PITX3: variants seen among roughly 807,000 people sequenced by gnomAD.
PITX3 encodes paired like homeodomain 3.
Under a neutral mutation model 14.2 loss-of-function variants are expected in PITX3, and 4 were observed. That is an observed-to-expected ratio of 0.28 (90% CI 0.14 to 0.65). The LOEUF (loss-of-function observed/expected upper bound fraction) is 0.65, where lower values mean the gene tolerates loss of function less well. Ranked by LOEUF, PITX3 falls within the 30% of genes least tolerant of loss-of-function variation. The pLI is 0.82. For missense variants in PITX3, 358 were observed against 426.8 expected (o/e 0.84, Z 1.42); for synonymous variants, 194 against 204.5 (o/e 0.95, Z 0.44).
rs887328021 is a variant in PITX3, at chr10:102,241,102, C to A, written c.-13+231G>T. The stretch of plus-strand genomic sequence containing the variant: ...AGCCCCTATCCTGGTTTCAAGTCTC[C>A]GGCTTCGTTCCGGATCCTCTGAGTC... On this transcript the variant is annotated intron_variant, in intron 1 of 3. Coordinates refer to ENST00000370002, the MANE Select transcript of PITX3 (RefSeq NM_005029.4). The surrounding 1 kb of genome is among the most constrained non-coding windows in gnomAD (Gnocchi z 6.7). 6.6e-6 allele frequency among the ~76,000 whole-genome samples: 1 copy of A among 152,178 alleles called. No homozygotes were observed. Among genetic ancestry groups the A allele is most frequent in the South Asian group, 2.1e-4 (1 of 4,832 alleles).
In PITX3 at chr10:102,231,966, T is replaced by C. The variant is rs1222408726; in HGVS notation, c.115A>G (p.Ser39Gly). ...CCCCGGAAGGGGGCGCGCTTACCGC[T>C]GTGCTCCTGGCCCTTGCAGCCGTGC... ...PEHGCKGQEH[S>G]DSEKASASLP... Residue 39 changes from serine (S) to glycine (G), a missense_variant, in exon 2 of 4, where the codon AGC (serine) becomes GGC (glycine). Physicochemically the swap from Ser to Gly is moderately conservative, Grantham distance 56. This residue lies in a region of PITX3 where 72 missense variants were observed against 79.9 expected (regional missense o/e 0.90). Coordinates refer to ENST00000370002, the MANE Select transcript of PITX3 (RefSeq NM_005029.4). 1 of 1,608,528 alleles carries C rather than the reference T, an allele frequency of 6.2e-7. No homozygotes were observed. The highest frequency in any genetic ancestry group is 8.5e-7 in the Non-Finnish European group (1 of 1,177,700).
chr10:102,237,751 ATATTT>A (rs2133812059), intron 1 of PITX3, among the ~76,000 whole-genome samples: 2 of 152,232 alleles, frequency 1.3e-5, no homozygotes, highest in Non-Finnish European at 2.9e-5. Flanking sequence ...GGATTATAAA[ATATTT>A]TAATATAAAA....
At chr10:102,235,166 T>TCCCCCCCCCC (rs1388718222) in intron 1 of PITX3, among the ~76,000 whole-genome samples, 12 of 59,028 alleles carry the variant, frequency 2.0e-4, no homozygotes, top group African/African-American at 7.1e-4. Context: ...TTATTACCCT[T>TCCCCCCCCCC]CCCCCACCCC....
intron 3 of PITX3, 43 bp from the exon 4 acceptor site, chr10:102,231,144 C>A (rs1198092432): frequency 2.0e-6 from 3 of 1,471,878 alleles, no homozygotes; most frequent in Admixed American, 2.4e-5. Flanking sequence ...GGGGCCGGGT[C>A]CCAGCGGCTG....
rs778341116 is a variant in PITX3 at position 102,231,967 on chromosome 10, G to T, written c.114C>A (p.His38Gln). 8.1e-6 allele frequency: 13 copies of T among 1,608,358 alleles called. 1 individual carries two copies. The South Asian group carries it at 1.2e-4, about 15-fold the overall frequency. The change falls in exon 2 of 4, where the codon CAC becomes CAA. Residue 38 changes from histidine (H) to glutamine (Q), a missense_variant. His to Gln is a conservative substitution (Grantham distance 24). This residue lies in a region of PITX3 where 72 missense variants were observed against 79.9 expected (regional missense o/e 0.90). Coordinates refer to ENST00000370002, the MANE Select transcript of PITX3 (RefSeq NM_005029.4). ...LPEHGCKGQE[H>Q]SDSEKASASL... ...CCCGGAAGGGGGCGCGCTTACCGCT[G>T]TGCTCCTGGCCCTTGCAGCCGTGCT... is the stretch of plus-strand genomic sequence containing the variant.
intron 1 of PITX3, among the ~76,000 whole-genome samples, chr10:102,233,606 TTTTG>T (rs2070312345): frequency 6.6e-6 from 1 of 152,122 alleles, no homozygotes; most frequent in Non-Finnish European, 1.5e-5. Context: ...GCCCAGCCTG[TTTTG>T]TTTATTATTT....
Position 102,230,917 on chromosome 10 carries a change from G to A in PITX3, c.506C>T (p.Thr169Ile), listed in dbSNP as rs914096264. The A allele has an allele frequency of 8.1e-6, 13 of 1,612,212 alleles. No homozygotes were observed. Among genetic ancestry groups the A allele is most frequent in the Non-Finnish European group, 1.1e-5 (13 of 1,179,472 alleles). The change falls in exon 4 of 4, where the codon ACC (threonine) becomes ATC (isoleucine). Residue 169 changes from threonine (T) to isoleucine (I), a missense_variant. Around this residue, in one of 3 missense-constraint regions of PITX3, gnomAD observed 236 missense variants for 250.2 expected, o/e 0.94. Coordinates refer to ENST00000370002, the MANE Select transcript of PITX3 (RefSeq NM_005029.4). ...KALAPPLAAKTFPFAFNSVNV... is the reference protein window; with the variant it reads ...KALAPPLAAKIFPFAFNSVNV... ...GACCGAGTTGAAGGCGAATGGAAAG[G>A]TCTTGGCGGCGAGCGGCGGGGCAAG... is the stretch of plus-strand genomic sequence containing the variant.
Position 102,230,465 on chromosome 10 carries a change from C to G in PITX3, c.*49G>C. ...TCAAAATGACCCCAGTCCGCGGAGG[C>G]TGTGAATCGTTGCCCCCGCCCTCGG... is the stretch of plus-strand genomic sequence containing the variant. On this transcript the variant is annotated 3_prime_UTR_variant, in exon 4 of 4. Transcript: ENST00000370002. 6.4e-7 allele frequency: 1 copy of G among 1,573,972 alleles called. No homozygotes were observed. The highest frequency in any genetic ancestry group is 8.6e-7 in the Non-Finnish European group (1 of 1,159,820).
intron 1 of PITX3, among the ~76,000 whole-genome samples, chr10:102,235,048 A>G (rs2070347657): frequency 6.6e-6 from 1 of 151,896 alleles, no homozygotes; most frequent in Non-Finnish European, 1.5e-5. Context: ...ACACAAACAC[A>G]CACTCTCCCA....
In PITX3 at chr10:102,230,363, G is replaced by A; in HGVS notation, c.*151C>T. 1 of 1,216,108 alleles carries A rather than the reference G, an allele frequency of 8.2e-7. No individual in the cohort carries two copies. The allele number at this position is 1,216,108 out of a possible 1,614,324, so 75.3% of individuals were successfully genotyped here. A position where few individuals can be genotyped will look rare whatever the true frequency, so the allele number is the denominator to read the frequency against. On this transcript the variant is annotated 3_prime_UTR_variant, in exon 4 of 4. Coordinates refer to ENST00000370002, the MANE Select transcript of PITX3 (RefSeq NM_005029.4). Reference sequence around the variant, plus strand: ...CTAGTCCACCCCTCAGGGCTGGGAGGGGAAGGCCCTCTCCTGAGCCGGTGC... The same window carrying A: ...CTAGTCCACCCCTCAGGGCTGGGAGAGGAAGGCCCTCTCCTGAGCCGGTGC...
At position 102,231,045 on chromosome 10, in the gene PITX3, G is replaced by T. The variant is rs754434263; in HGVS notation, c.378C>A (p.Ala126=). 1.6e-5 allele frequency: 26 copies of T among 1,583,394 alleles called. No homozygotes were observed. The highest frequency in any genetic ancestry group is 2.2e-5 in the Non-Finnish European group (26 of 1,165,862). ...KWRKRERSQQ[A]ELCKGSFAAP... is the part of the protein sequence containing the mutation. ...CCGCGAAGCTGCCTTTGCATAGCTC[G>T]GCCTGCTGGCTGCGCTCGCGCTTCC... The change falls in exon 4 of 4, where the codon GCC becomes GCA. Residue 126 remains alanine (A), a synonymous_variant. Coordinates refer to ENST00000370002, the MANE Select transcript of PITX3 (RefSeq NM_005029.4).
At chr10:102,240,754 G>C (rs779904269) in intron 1 of PITX3, among the ~76,000 whole-genome samples, 2 of 152,244 alleles carry the variant, frequency 1.3e-5, no homozygotes, top group African/African-American at 4.8e-5. Flanking sequence ...CCCGCCGCCT[G>C]GTCACTCTGA....
intron 1 of PITX3, among the ~76,000 whole-genome samples, chr10:102,236,581 AT>A (rs2070401329): frequency 6.6e-6 from 1 of 152,158 alleles, no homozygotes; most frequent in Non-Finnish European, 1.5e-5. Flanking sequence ...CAAGAATGAA[AT>A]ATCCAGGACA....
chr10:102,231,790 T>C lies in PITX3; in HGVS notation c.119A>G (p.Asp40Gly), dbSNP rs973186826. The change falls in exon 3 of 4, where the codon GAC (aspartate) becomes GGC (glycine). Residue 40 changes from aspartate (D) to glycine (G), a missense_variant and splice_region_variant. Coordinates refer to ENST00000370002, the MANE Select transcript of PITX3 (RefSeq NM_005029.4). ...EHGCKGQEHSDSEKASASLPG... is the reference protein window; with the variant it reads ...EHGCKGQEHSGSEKASASLPG... ...CAGCGAAGCCGAGGCCTTTTCTGAG[T>C]CTGGGGGCCAGGGTGGGGGCAGGTC... The C allele has an allele frequency of 6.3e-7, 1 of 1,599,482 alleles. No individual in the cohort carries two copies. The highest frequency in any genetic ancestry group is 1.7e-5 in the Admixed American group (1 of 58,664).
Position 102,231,762 on chromosome 10 carries a change from G to A in PITX3, c.147C>T (p.Pro49=), listed in dbSNP as rs143137940. The change falls in exon 3 of 4, where the codon CCC becomes CCT. Residue 49 remains proline (P), a synonymous_variant. Coordinates refer to ENST00000370002, the MANE Select transcript of PITX3 (RefSeq NM_005029.4). ...GCGAACCGTCCTCTGGGGAGCCGCCGGGCAGCGAAGCCGAGGCCTTTTCTG... is the reference window on the plus strand; with the variant it reads ...GCGAACCGTCCTCTGGGGAGCCGCCAGGCAGCGAAGCCGAGGCCTTTTCTG... ...SDSEKASASL[P]GGSPEDGSLK... 9 of 1,606,338 alleles carry A rather than the reference G, an allele frequency of 5.6e-6. No homozygotes were observed. In the Admixed American group the frequency reaches 6.8e-5, roughly 12 times the overall value.
rs767603616 is a variant in PITX3 at position 102,230,577 on chromosome 10, C to T, written c.846G>A (p.Val282=). ...GGTTGGCTGCCGGGGGCGGCCCGTGCACAGCGGGGTAGCTGAAGGAGGCGT... is the reference window on the plus strand; with the variant it reads ...GGTTGGCTGCCGGGGGCGGCCCGTGTACAGCGGGGTAGCTGAAGGAGGCGT... The part of the protein sequence containing the change: ...KQHASFSYPA[V]HGPPPAANLS... The change falls in exon 4 of 4, where the codon GTG becomes GTA. Residue 282 remains valine (V), a synonymous_variant. Transcript: ENST00000370002. The T allele has an allele frequency of 6.8e-6, 11 of 1,611,496 alleles. No individual in the cohort carries two copies. The African/African-American group carries it at 1.5e-4, about 22-fold the overall frequency.
At chr10:102,237,868 C>T (rs538846931) in intron 1 of PITX3, among the ~76,000 whole-genome samples, 17 of 152,142 alleles carry the variant, frequency 1.1e-4, no homozygotes, top group African/African-American at 3.4e-4. Context: ...CCTCCACTCC[C>T]GTACTGCCCT....
In PITX3 at chr10:102,238,903, C is replaced by T. The variant is rs187211750; in HGVS notation, c.-13+2430G>A. Among the ~76,000 whole-genome samples, 26 of 152,274 alleles carry T rather than the reference C, an allele frequency of 1.7e-4. No individual in the cohort carries two copies. The East Asian group carries it at 4.8e-3, about 28-fold the overall frequency. ...CCCTGAAGGATTCCATTTCTACTTC[C>T]TGCCTCTATCATCTCTCTGGAAATG... On this transcript the variant is annotated intron_variant, in intron 1 of 3. Coordinates refer to ENST00000370002, the MANE Select transcript of PITX3 (RefSeq NM_005029.4).
In PITX3 at chr10:102,231,575, C is replaced by T. The variant is rs1314439822; in HGVS notation, c.321+13G>A. The T allele has an allele frequency of 2.6e-6, 4 of 1,554,682 alleles. No individual in the cohort carries two copies. The East Asian group carries it at 9.2e-5, about 36-fold the overall frequency. ...GCCCGCGCGGGTGCGAGTCGCGGGT[C>T]TGGAGAGCATACCCGCACGCGGGCC... On this transcript the variant is annotated intron_variant, in intron 3 of 3. Coordinates refer to ENST00000370002, the MANE Select transcript of PITX3 (RefSeq NM_005029.4).
Sources: gnomAD v4.1 joint callset for allele counts (sites outside exome capture counted in the v4.1 genomes callset) on GRCh38, gnomAD v4.1.1 for gene constraint, gnomAD v4.1.1 regional missense constraint, Gnocchi (gnomAD v3.1) non-coding constraint, MANE v1.5 for transcripts, NCBI Gene and HGNC (gene_info 2026-07-23, HGNC 2026-07-21) for gene names.